The following ABTB3 variants were observed in gnomAD, a reference collection of about 807,000 sequenced individuals.
ABTB3 encodes the protein ankyrin repeat- and BTB/POZ domain-containing protein 3.
the ABTB3 span, among the ~76,000 whole-genome samples, chr12:107,623,799 A>G: frequency 1.3e-5 from 2 of 152,192 alleles, no homozygotes; most frequent in Admixed American, 6.5e-5. Context: ...TTACTGACCA[A>G]AAGCAAGAAA....
At chr12:107,476,379 A>G in the ABTB3 span, among the ~76,000 whole-genome samples, 1 of 152,104 alleles carries the variant, frequency 6.6e-6, no homozygotes, top group Non-Finnish European at 1.5e-5. Context: ...GCATTTAATC[A>G]TCTAATCCTC....
chr12:107,428,870 A>G, the ABTB3 span, among the ~76,000 whole-genome samples: 1 of 152,242 alleles, frequency 6.6e-6, no homozygotes, highest in South Asian at 2.1e-4. Context: ...TCCTCACAGC[A>G]TCCCAGTGAG....
chr12:107,515,928 G>T, the ABTB3 span, among the ~76,000 whole-genome samples: 1 of 151,958 alleles, frequency 6.6e-6, no homozygotes, highest in Non-Finnish European at 1.5e-5. Flanking sequence ...TTACTAAGAT[G>T]GAAGAGAAGT....
the ABTB3 span, among the ~76,000 whole-genome samples, chr12:107,355,984 C>A: frequency 1.3e-5 from 2 of 152,248 alleles, no homozygotes; most frequent in African/African-American, 4.8e-5. Flanking sequence ...ATATTTCTTG[C>A]TCAGCAAAAA....
chr12:107,405,390 A>T, the ABTB3 span, among the ~76,000 whole-genome samples: 1 of 152,220 alleles, frequency 6.6e-6, no homozygotes, highest in Non-Finnish European at 1.5e-5. Context: ...CATGGTAAGG[A>T]TCCAAGAGTC....
At chr12:107,462,368 G>C in the ABTB3 span, among the ~76,000 whole-genome samples, 2 of 152,218 alleles carry the variant, frequency 1.3e-5, no homozygotes, top group African/African-American at 4.8e-5. Flanking sequence ...AGCTTCCCTG[G>C]AAACAAAGGA....
chr12:107,477,123 T>C, the ABTB3 span, among the ~76,000 whole-genome samples: 1 of 152,116 alleles, frequency 6.6e-6, no homozygotes. Flanking sequence ...TCTCTGCACT[T>C]AAAATCAAGG....
chr12:107,433,775 T>C, the ABTB3 span, among the ~76,000 whole-genome samples: 4 of 152,210 alleles, frequency 2.6e-5, no homozygotes, highest in African/African-American at 7.2e-5. Context: ...TGTCTTACTC[T>C]GTTCTGGCCG....
chr12:107,385,800 C>T, the ABTB3 span, among the ~76,000 whole-genome samples: 2 of 152,212 alleles, frequency 1.3e-5, no homozygotes, highest in African/African-American at 4.8e-5. Context: ...CGTTCTCTGG[C>T]ATTTCCTGCT....
chr12:107,632,266 C>A, the ABTB3 span, among the ~76,000 whole-genome samples: 2 of 152,150 alleles, frequency 1.3e-5, no homozygotes, highest in African/African-American at 2.4e-5. Context: ...AGTCTACAGA[C>A]TGTACATGCC....
the ABTB3 span, among the ~76,000 whole-genome samples, chr12:107,491,531 C>T: frequency 6.6e-6 from 1 of 152,090 alleles, no homozygotes; most frequent in Non-Finnish European, 1.5e-5. Context: ...CAACCATGAG[C>T]CATTTTCATT....
the ABTB3 span, among the ~76,000 whole-genome samples, chr12:107,517,662 C>T: frequency 6.6e-6 from 1 of 152,102 alleles, no homozygotes; most frequent in Non-Finnish European, 1.5e-5. Context: ...TGATTTGGCT[C>T]TCTGTTTGTC....
the ABTB3 span, among the ~76,000 whole-genome samples, chr12:107,526,246 T>C: frequency 6.6e-6 from 1 of 152,284 alleles, no homozygotes; most frequent in East Asian, 1.9e-4. Flanking sequence ...CTAAAATATT[T>C]CACGGGTAAG....
the ABTB3 span, among the ~76,000 whole-genome samples, chr12:107,620,915 CT>C: frequency 2.0e-5 from 3 of 152,336 alleles, no homozygotes; most frequent in East Asian, 5.8e-4. Context: ...CCTCTCACCT[CT>C]TTGCCCCAGA....
chr12:107,444,617 G>A, the ABTB3 span, among the ~76,000 whole-genome samples: 3 of 152,190 alleles, frequency 2.0e-5, no homozygotes, highest in Non-Finnish European at 4.4e-5. Context: ...CCACACATGA[G>A]CAGTCATAAG....
At chr12:107,446,531 T>G in the ABTB3 span, among the ~76,000 whole-genome samples, 1 of 152,158 alleles carries the variant, frequency 6.6e-6, no homozygotes, top group Non-Finnish European at 1.5e-5. Flanking sequence ...CCAGGGTCAC[T>G]TTCTCCCCTG....
the ABTB3 span, among the ~76,000 whole-genome samples, chr12:107,427,348 C>T: frequency 1.3e-5 from 2 of 151,928 alleles, no homozygotes; most frequent in Non-Finnish European, 2.9e-5. Context: ...GTGGCACAAT[C>T]ACGGCTCACT....
chr12:107,600,640 G>T, the ABTB3 span, among the ~76,000 whole-genome samples: 1 of 152,156 alleles, frequency 6.6e-6, no homozygotes, highest in African/African-American at 2.4e-5. Context: ...TGGGCTTCAG[G>T]AATCTTCCAT....
chr12:107,583,073 C>T, the ABTB3 span, among the ~76,000 whole-genome samples: 2 of 152,200 alleles, frequency 1.3e-5, no homozygotes, highest in African/African-American at 2.4e-5. Flanking sequence ...ACTGTGCAAA[C>T]TTGGGCAAGC....
Sources: gnomAD v4.1 joint callset for allele counts (sites outside exome capture counted in the v4.1 genomes callset) on GRCh38, gnomAD v4.1.1 for gene constraint, MANE v1.5 for transcripts, NCBI Gene and HGNC (gene_info 2026-07-23, HGNC 2026-07-21) for gene names.